Variants in PTPRT observed in about 807,000 individuals in gnomAD.
PTPRT encodes protein tyrosine phosphatase receptor type T.
In PTPRT, 56 loss-of-function variants were observed where a neutral mutation model predicts 176.8. The observed-to-expected ratio is 0.32, with a 90% CI of 0.26 to 0.40. The LOEUF is 0.40. Ranked by LOEUF, PTPRT falls within the 10% of genes least tolerant of loss-of-function variation. PTPRT has a pLI of 1.00. For synonymous variants in PTPRT, 783 were observed against 739.0 expected (o/e 1.06, Z -0.96); for missense variants, 1,540 against 1,908.2 (o/e 0.81, Z 3.60).
intron 13 of PTPRT, among the ~76,000 whole-genome samples, chr20:42,251,269 C>T (rs2056547469): frequency 6.6e-6 from 1 of 152,130 alleles, no homozygotes; most frequent in South Asian, 2.1e-4. Flanking sequence ...TGGCAAAGAG[C>T]CCCTAGAGAG....
chr20:42,183,900 A>G (rs1018164196), intron 16 of PTPRT, among the ~76,000 whole-genome samples: 5 of 152,198 alleles, frequency 3.3e-5, no homozygotes, highest in African/African-American at 7.2e-5. Flanking sequence ...GACAGCTATC[A>G]TGCAAGAAGT....
In PTPRT at chr20:42,574,376, A is replaced by T. The variant is rs554596864; in HGVS notation, c.1154-101814T>A. On this transcript the variant is annotated intron_variant, in intron 7 of 30. Coordinates refer to ENST00000373187, the MANE Select transcript of PTPRT (RefSeq NM_007050.6). ...AGCCTACTCCACTTTGGTTAAAAAGAAAGTGTCCAAAGATGCCACTTAATA... is the reference window on the plus strand; with the variant it reads ...AGCCTACTCCACTTTGGTTAAAAAGTAAGTGTCCAAAGATGCCACTTAATA... Among the ~76,000 whole-genome samples the T allele has an allele frequency of 2.0e-5, 3 of 152,292 alleles. No homozygotes were observed. In the South Asian group the frequency reaches 6.2e-4, roughly 32 times the overall value.
At chr20:42,473,335 A>G (rs2071231943) in intron 7 of PTPRT, among the ~76,000 whole-genome samples, 1 of 152,184 alleles carries the variant, frequency 6.6e-6, no homozygotes, top group African/African-American at 2.4e-5. Flanking sequence ...TAATTTTATT[A>G]GGAATATTCT....
At chr20:43,133,114 G>C (rs1600735878) in intron 1 of PTPRT, among the ~76,000 whole-genome samples, 1 of 152,232 alleles carries the variant, frequency 6.6e-6, no homozygotes, top group South Asian at 2.1e-4. Context: ...AGCTCAATGG[G>C]GGGTTCTGGA....
At chr20:42,061,441 A>G in the PTPRT span, among the ~76,000 whole-genome samples, 1 of 152,210 alleles carries the variant, frequency 6.6e-6, no homozygotes, top group African/African-American at 2.4e-5. Flanking sequence ...TTGTTAAATA[A>G]GATAAATATG....
chr20:42,941,253 G>A (rs1980533810), intron 1 of PTPRT, among the ~76,000 whole-genome samples: 1 of 152,122 alleles, frequency 6.6e-6, no homozygotes, highest in Non-Finnish European at 1.5e-5. Context: ...ACCTCTCAGA[G>A]CTGCAGTTTC....
intron 6 of PTPRT, among the ~76,000 whole-genome samples, chr20:42,719,076 G>A (rs149230545): frequency 3.3e-5 from 5 of 152,304 alleles, no homozygotes; most frequent in East Asian, 1.9e-4. Context: ...TTTTAGCTTC[G>A]CTGAAGAAAT....
At chr20:42,048,931 C>A in the PTPRT span, among the ~76,000 whole-genome samples, 5 of 152,132 alleles carry the variant, frequency 3.3e-5, no homozygotes, top group Admixed American at 6.5e-5. Flanking sequence ...AAGCAATTCT[C>A]CTGCCTCAGC....
At chr20:42,731,874 A>T (rs531783831) in intron 6 of PTPRT, among the ~76,000 whole-genome samples, 2 of 152,236 alleles carry the variant, frequency 1.3e-5, no homozygotes, top group East Asian at 3.9e-4. Flanking sequence ...CTTTCCCCAT[A>T]AAGGTCATCT....
chr20:42,797,704 T>A (rs1270222794), intron 2 of PTPRT, among the ~76,000 whole-genome samples: 1 of 152,106 alleles, frequency 6.6e-6, no homozygotes, highest in African/African-American at 2.4e-5. Flanking sequence ...AAGCTTGAGA[T>A]GGGGAGATTA....
chr20:42,349,215 C>T (rs1325699398), intron 11 of PTPRT, among the ~76,000 whole-genome samples: 2 of 152,188 alleles, frequency 1.3e-5, no homozygotes, highest in Non-Finnish European at 2.9e-5. Flanking sequence ...TGCCCATGTC[C>T]TTCAAACAGG....
chr20:42,119,172 A>G (rs6130040), intron 20 of PTPRT, among the ~76,000 whole-genome samples: 7,831 of 152,120 alleles, frequency 0.051, 334 homozygotes, highest in East Asian at 0.2. Context: ...AAGTTTGAAT[A>G]CCATTTTTCT....
intron 2 of PTPRT, among the ~76,000 whole-genome samples, chr20:42,801,259 G>A (rs932958663): frequency 2.0e-5 from 3 of 152,068 alleles, no homozygotes; most frequent in East Asian, 1.9e-4. Flanking sequence ...ACCATCTAAC[G>A]CGGATACCAG....
intron 1 of PTPRT, among the ~76,000 whole-genome samples, chr20:43,168,004 T>C (rs1219663136): frequency 6.6e-6 from 1 of 152,236 alleles, no homozygotes; most frequent in African/African-American, 2.4e-5. Flanking sequence ...GTGTGTTAAG[T>C]GGCTAACTTT....
At chr20:42,953,924 A>G (rs998339610) in intron 1 of PTPRT, among the ~76,000 whole-genome samples, 14 of 152,306 alleles carry the variant, frequency 9.2e-5, no homozygotes, top group African/African-American at 2.2e-4. Context: ...AAATATCCCC[A>G]GAATGGCCAT....
At chr20:42,357,495 G>A (rs1004234834) in intron 9 of PTPRT, among the ~76,000 whole-genome samples, 2 of 152,128 alleles carry the variant, frequency 1.3e-5, no homozygotes, top group African/African-American at 4.8e-5. Flanking sequence ...GTTCTTCAAG[G>A]GAAAAATTAT....
intron 7 of PTPRT, among the ~76,000 whole-genome samples, chr20:42,607,166 T>C (rs2073892792): frequency 6.6e-6 from 1 of 150,414 alleles, no homozygotes; most frequent in East Asian, 1.9e-4. Context: ...GGAAGTAGAA[T>C]GGTGGCTACC....
chr20:42,036,821 C>T, the PTPRT span, among the ~76,000 whole-genome samples: 1 of 152,134 alleles, frequency 6.6e-6, no homozygotes, highest in Non-Finnish European at 1.5e-5. Flanking sequence ...AGAGGACAAA[C>T]CTATACCTCC....
At chr20:42,210,807 T>A (rs564403635) in intron 15 of PTPRT, among the ~76,000 whole-genome samples, 3 of 152,182 alleles carry the variant, frequency 2.0e-5, no homozygotes, top group African/African-American at 7.2e-5. Flanking sequence ...TTAAAATTCA[T>A]ATGGAACCAA....
Sources: gnomAD v4.1 joint callset for allele counts (sites outside exome capture counted in the v4.1 genomes callset) on GRCh38, gnomAD v4.1.1 for gene constraint, MANE v1.5 for transcripts, NCBI Gene and HGNC (gene_info 2026-07-23, HGNC 2026-07-21) for gene names.